Variants in CUL2 observed in about 807,000 individuals in gnomAD.
CUL2 encodes the protein cullin-2.
In CUL2, 22 loss-of-function variants were observed where a neutral mutation model predicts 110.2. That is an observed-to-expected ratio of 0.20 (90% CI 0.14 to 0.28). The LOEUF (loss-of-function observed/expected upper bound fraction) is 0.28. CUL2 is among the 10% of genes least tolerant of loss of function. CUL2 has a pLI of 1.00. For synonymous variants in CUL2, 279 were observed against 293.2 expected, an observed-to-expected ratio of 0.95 and a Z score of 0.49; for missense variants, 631 against 905.5, an observed-to-expected ratio of 0.70 and a Z score of 3.89.
intron 14 of CUL2, among the ~76,000 whole-genome samples, 165 bp from the exon 15 acceptor site, chr10:35,029,805 C>T (rs1588967884): frequency 6.6e-6 from 1 of 152,178 alleles, no homozygotes; most frequent in South Asian, 2.1e-4. Flanking sequence ...AGCAACTAAT[C>T]AAAACCTTTC....
At chr10:35,057,661 A>G (rs962174511) in intron 4 of CUL2, among the ~76,000 whole-genome samples, 2 of 151,404 alleles carry the variant, frequency 1.3e-5, no homozygotes, top group East Asian at 3.9e-4. Context: ...TGAAAAAAAA[A>G]AAAAAGAAAA....
Position 35,063,006 on chromosome 10 carries a change from G to T in CUL2, c.176C>A (p.Thr59Lys). The T allele has an allele frequency of 6.2e-7, 1 of 1,611,538 alleles. No homozygotes were observed. The highest frequency in any genetic ancestry group is 8.5e-7 in the Non-Finnish European group (1 of 1,177,912). Residue 59 changes from threonine (T) to lysine (K), a missense_variant, in exon 3 of 21, where the codon ACA (threonine) becomes AAA (lysine). Around this residue, in one of 3 missense-constraint regions of CUL2, gnomAD observed 338 missense variants for 442.5 expected, o/e 0.76. Coordinates refer to ENST00000374749, the MANE Select transcript of CUL2 (RefSeq NM_003591.4). The part of the protein sequence containing the change: ...YPEPLGERLY[T>K]ETKIFLENHV... ...ATTTTCCAAAAAAATCTTAGTTTCTGTATAAAGTCTTTCTCCAAGGGGTTC... is the reference window on the plus strand; with the variant it reads ...ATTTTCCAAAAAAATCTTAGTTTCTTTATAAAGTCTTTCTCCAAGGGGTTC...
chr10:35,024,464 G>C (rs2085287757), intron 17 of CUL2, among the ~76,000 whole-genome samples: 1 of 152,010 alleles, frequency 6.6e-6, no homozygotes, highest in Non-Finnish European at 1.5e-5. Context: ...CTTGTACAAA[G>C]AAAAAGTGAT....
intron 15 of CUL2, 69 bp downstream of exon 15, chr10:35,029,419 T>G: frequency 9.0e-7 from 1 of 1,113,624 alleles, no homozygotes; most frequent in Non-Finnish European, 1.2e-6. Flanking sequence ...CAGGCATCCA[T>G]TTATGAATCA....
intron 3 of CUL2, among the ~76,000 whole-genome samples, chr10:35,061,905 G>T (rs1170899297): frequency 6.6e-6 from 1 of 151,826 alleles, no homozygotes; most frequent in Non-Finnish European, 1.5e-5. Flanking sequence ...ACCGCACCAG[G>T]CCAGTTCTTA....
At chr10:35,049,533 TA>T in intron 6 of CUL2, 149 bp downstream of exon 6, 1 of 522,236 alleles carries the variant, frequency 1.9e-6, no homozygotes, top group Non-Finnish European at 3.3e-6. Context: ...TAAAACAACT[TA>T]AAAAATGCTG....
chr10:35,057,145 G>A (rs1301223059), intron 4 of CUL2, among the ~76,000 whole-genome samples: 1 of 152,184 alleles, frequency 6.6e-6, no homozygotes, highest in East Asian at 1.9e-4. Context: ...TAAATCTGCA[G>A]ATCAGGCCTG....
At chr10:35,053,281 T>C (rs2086158851) in intron 5 of CUL2, among the ~76,000 whole-genome samples, 1 of 152,232 alleles carries the variant, frequency 6.6e-6, no homozygotes, top group South Asian at 2.1e-4. Flanking sequence ...AATATTTTGG[T>C]ATTTCTCATT....
intron 17 of CUL2, among the ~76,000 whole-genome samples, chr10:35,017,826 T>C (rs1355542588): frequency 6.7e-6 from 1 of 149,308 alleles, no homozygotes; most frequent in Admixed American, 6.7e-5. Context: ...AAGCTCATAA[T>C]GAATAATATG....
chr10:35,027,390 C>T (rs1415654435), intron 16 of CUL2, among the ~76,000 whole-genome samples: 3 of 151,978 alleles, frequency 2.0e-5, no homozygotes, highest in African/African-American at 4.8e-5. Flanking sequence ...ATGATCCGCC[C>T]GCCTCGGCCT....
intron 17 of CUL2, among the ~76,000 whole-genome samples, chr10:35,017,875 T>A (rs79111276): frequency 0.063 from 6,124 of 96,720 alleles, 394 homozygotes; most frequent in African/African-American, 0.18. Flanking sequence ...CATACGTGTT[T>A]AAAAAAAAAA....
chr10:35,057,369 A>G (rs533708041), intron 4 of CUL2, among the ~76,000 whole-genome samples: 1 of 151,980 alleles, frequency 6.6e-6, no homozygotes, highest in Non-Finnish European at 1.5e-5. Context: ...TTTAAAATAA[A>G]GTCATGGCCA....
intron 1 of CUL2, among the ~76,000 whole-genome samples, chr10:35,123,775 G>C (rs536984825): frequency 1.3e-5 from 2 of 152,336 alleles, no homozygotes; most frequent in South Asian, 4.1e-4. Flanking sequence ...AATGCTCATG[G>C]GCCATGTAAG....
At chr10:35,093,538 A>G (rs2087245727), upstream of CUL2, among the ~76,000 whole-genome samples, 1 of 151,748 alleles carries the variant, frequency 6.6e-6, no homozygotes, top group Non-Finnish European at 1.5e-5. Flanking sequence ...GTGTGCTGGT[A>G]GTCACAGCTT....
chr10:35,041,539 C>A lies in CUL2; in HGVS notation c.715-2457G>T, dbSNP rs201693666. ...ACATTATTTCCTGAAATGAGCTTTT[C>A]TTTTTCTTTCTTTTGTCAGACAGGA... On this transcript the variant is annotated intron_variant, in intron 8 of 20. Coordinates refer to ENST00000374749, the MANE Select transcript of CUL2 (RefSeq NM_003591.4). 3.0e-3 allele frequency among the ~76,000 whole-genome samples: 409 copies of A among 136,272 alleles called. 15 individuals are homozygous for A. In the East Asian group the frequency reaches 0.084, roughly 28 times the overall value. 89.4% of individuals were successfully genotyped at this position (136,272 alleles called of 152,430 possible). A position where few individuals can be genotyped will look rare whatever the true frequency, so the allele number is the denominator to read the frequency against.
intron 2 of CUL2, among the ~76,000 whole-genome samples, chr10:35,100,008 G>T (rs938286084): frequency 1.3e-5 from 2 of 151,906 alleles, no homozygotes; most frequent in Admixed American, 1.3e-4. Flanking sequence ...GTCTTGCTAT[G>T]TTGCCCAGGC....
At chr10:35,119,006 C>T (rs920003488) in intron 1 of CUL2, among the ~76,000 whole-genome samples, 4 of 152,242 alleles carry the variant, frequency 2.6e-5, no homozygotes, top group African/African-American at 9.6e-5. Flanking sequence ...TCACACACCA[C>T]ACTTCCAAAT....
At chr10:35,084,806 G>C (rs1362517251) in intron 1 of CUL2, among the ~76,000 whole-genome samples, 1 of 152,118 alleles carries the variant, frequency 6.6e-6, no homozygotes, top group Non-Finnish European at 1.5e-5. Context: ...GGCTGATCCT[G>C]TCATCAATTT....
In CUL2 at chr10:35,033,271, C is replaced by T. The variant is rs61749171; in HGVS notation, c.1005G>A (p.Met335Ile). 7,888 of 1,606,670 alleles carry T rather than the reference C, an allele frequency of 4.9e-3. 37 individuals carry two copies. Among genetic ancestry groups the T allele is most frequent in the South Asian group, 5.6e-3 (505 of 90,938 alleles). ...AAACTGACTCCACAAATAGTGTTGG[C>T]ATCTAAAAATGAAATATAAGTACAA... ...RATSNLTQEN[M>I]PTLFVESVLE... Residue 335 changes from methionine (M) to isoleucine (I), a missense_variant and splice_region_variant, in exon 11 of 21, where the codon ATG becomes ATA. Physicochemically the swap from Met to Ile is conservative, Grantham distance 10. Around this residue, in one of 3 missense-constraint regions of CUL2, gnomAD observed 338 missense variants for 442.5 expected, o/e 0.76. Transcript: ENST00000374749.
Sources: allele counts gnomAD v4.1 joint callset (sites outside exome capture counted in the v4.1 genomes callset), GRCh38; gene constraint gnomAD v4.1.1; regional missense constraint gnomAD v4.1.1; transcripts MANE v1.5; gene names NCBI Gene and HGNC (gene_info 2026-07-23, HGNC 2026-07-21).